The following NAALADL2 variants were observed in gnomAD, a reference collection of about 807,000 sequenced individuals.
NAALADL2 encodes N-acetylated alpha-linked acidic dipeptidase like 2.
In NAALADL2, 76 loss-of-function variants were observed where a neutral mutation model predicts 87.2. The ratio of observed to expected loss-of-function variants is 0.87; its 90% CI spans 0.72 to 1.05. The LOEUF (loss-of-function observed/expected upper bound fraction) is 1.05. NAALADL2 is among the 50% of genes least tolerant of loss of function. NAALADL2 has a pLI of 0.00. For missense variants in NAALADL2, 1,089 were observed against 945.8 expected (o/e 1.15, Z -1.99); for synonymous variants, 354 against 331.0 (o/e 1.07, Z -0.75).
At chr3:174,907,207 G>A (rs542321374) in intron 1 of NAALADL2, among the ~76,000 whole-genome samples, 1 of 151,808 alleles carries the variant, frequency 6.6e-6, no homozygotes, top group South Asian at 2.1e-4. Context: ...GCACTGGAAT[G>A]TATCTTAAAT....
chr3:174,581,096 A>G (rs182514683), intron 2 of NAALADL2, among the ~76,000 whole-genome samples: 48 of 152,336 alleles, frequency 3.2e-4, no homozygotes, highest in African/African-American at 1.1e-3. Context: ...GCAAATGTAG[A>G]AATTGTTTCA....
chr3:175,198,027 T>C (rs1047774782), intron 2 of NAALADL2, among the ~76,000 whole-genome samples: 10 of 152,112 alleles, frequency 6.6e-5, no homozygotes, highest in African/African-American at 2.4e-4. Flanking sequence ...CTTTAACAAT[T>C]AGATTTAACA....
chr3:175,562,278 T>G (rs1716395293), intron 9 of NAALADL2, among the ~76,000 whole-genome samples: 1 of 152,156 alleles, frequency 6.6e-6, no homozygotes, highest in African/African-American at 2.4e-5. Flanking sequence ...AATGATAGCT[T>G]TAAAACTGAT....
At chr3:174,885,343 A>G (rs1729957821) in intron 1 of NAALADL2, among the ~76,000 whole-genome samples, 1 of 152,136 alleles carries the variant, frequency 6.6e-6, no homozygotes, top group Non-Finnish European at 1.5e-5. Context: ...GAGGCTCAGT[A>G]TCTGCTTCTG....
At chr3:174,825,015 G>T (rs981420214) in intron 3 of NAALADL2, among the ~76,000 whole-genome samples, 3 of 152,090 alleles carry the variant, frequency 2.0e-5, no homozygotes, top group Non-Finnish European at 2.9e-5. Flanking sequence ...AGACACACTT[G>T]CCCTTTTTCA....
chr3:175,558,287 T>C (rs193270415), intron 9 of NAALADL2, among the ~76,000 whole-genome samples: 51 of 152,224 alleles, frequency 3.4e-4, no homozygotes, highest in African/African-American at 9.1e-4. Flanking sequence ...AGATTTTTTT[T>C]CCCTATAGAT....
chr3:175,657,992 G>GTA (rs140915131), intron 11 of NAALADL2, among the ~76,000 whole-genome samples: 5,655 of 151,090 alleles, frequency 0.037, 140 homozygotes, highest in Admixed American at 0.067. Context: ...AAAAGAATAT[G>GTA]TATATATATA....
At chr3:174,839,216 C>T (rs1723726938) in intron 3 of NAALADL2, among the ~76,000 whole-genome samples, 1 of 152,090 alleles carries the variant, frequency 6.6e-6, no homozygotes, top group African/African-American at 2.4e-5. Flanking sequence ...TGATCTTTGA[C>T]AAAGCAAACA....
intron 2 of NAALADL2, among the ~76,000 whole-genome samples, chr3:174,636,761 A>C (rs1339309019): frequency 6.6e-6 from 1 of 152,142 alleles, no homozygotes; most frequent in Non-Finnish European, 1.5e-5. Flanking sequence ...TTGTCAAAAA[A>C]ATAAAAAAAA....
At chr3:174,863,592 C>G (rs577239614) in intron 1 of NAALADL2, among the ~76,000 whole-genome samples, 178 of 151,640 alleles carry the variant, frequency 1.2e-3, no homozygotes, top group African/African-American at 4.0e-3. Context: ...AAAAAAACAA[C>G]TCTAGGCAGG....
intron 8 of NAALADL2, among the ~76,000 whole-genome samples, chr3:175,471,056 T>TC (rs1431445650): frequency 6.6e-6 from 1 of 152,180 alleles, no homozygotes; most frequent in African/African-American, 2.4e-5. Context: ...TGAAGAACAT[T>TC]TTCTCTTAAA....
chr3:174,564,514 A>C (rs929577318), intron 2 of NAALADL2, among the ~76,000 whole-genome samples: 12 of 152,136 alleles, frequency 7.9e-5, no homozygotes, highest in Admixed American at 7.9e-4. Context: ...TGTACATGAA[A>C]TTAATTTTGT....
At chr3:175,416,014 C>G (rs6799468) in intron 5 of NAALADL2, among the ~76,000 whole-genome samples, 1 of 150,760 alleles carries the variant, frequency 6.6e-6, no homozygotes, top group Non-Finnish European at 1.5e-5. Flanking sequence ...TTCCAGTTAC[C>G]GAGAGGCTGA....
intron 5 of NAALADL2, among the ~76,000 whole-genome samples, chr3:175,378,789 G>C (rs969455997): frequency 2.0e-5 from 3 of 152,176 alleles, no homozygotes; most frequent in Non-Finnish European, 4.4e-5. Flanking sequence ...GAAAACAATA[G>C]TGTCCCGGTT....
intron 5 of NAALADL2, among the ~76,000 whole-genome samples, chr3:175,433,239 T>C (rs1409996375): frequency 6.6e-6 from 1 of 152,024 alleles, no homozygotes; most frequent in Non-Finnish European, 1.5e-5. Context: ...ACTCATTTCC[T>C]ACCTCATCTA....
At chr3:174,786,648 A>G (rs1716716089) in intron 3 of NAALADL2, among the ~76,000 whole-genome samples, 1 of 151,940 alleles carries the variant, frequency 6.6e-6, no homozygotes, top group South Asian at 2.1e-4. Context: ...CTAATAATGG[A>G]TAAGGAATTT....
intron 5 of NAALADL2, among the ~76,000 whole-genome samples, chr3:175,385,201 A>G (rs1056608369): frequency 6.6e-6 from 1 of 152,128 alleles, no homozygotes; most frequent in Non-Finnish European, 1.5e-5. Flanking sequence ...CATTCAAAGC[A>G]TAAGGACAAG....
intron 2 of NAALADL2, among the ~76,000 whole-genome samples, chr3:174,590,572 CAACAA>C (rs1717255686): frequency 6.6e-6 from 1 of 151,978 alleles, no homozygotes; most frequent in South Asian, 2.1e-4. Context: ...TATTGAATGT[CAACAA>C]AACACTATCC....
intron 1 of NAALADL2, among the ~76,000 whole-genome samples, chr3:174,863,003 G>C (rs1044588606): frequency 6.6e-5 from 10 of 152,056 alleles, no homozygotes; most frequent in African/African-American, 1.9e-4. Context: ...CAACCAGCAG[G>C]AGATAACTCT....
Sources: gnomAD v4.1 joint callset for allele counts (sites outside exome capture counted in the v4.1 genomes callset) on GRCh38, gnomAD v4.1.1 for gene constraint, MANE v1.5 for transcripts, NCBI Gene and HGNC (gene_info 2026-07-23, HGNC 2026-07-21) for gene names.